The following TOLLIP variants were observed in gnomAD, a reference collection of about 807,000 sequenced individuals.
TOLLIP encodes the protein toll interacting protein.
Under a neutral mutation model 33.5 loss-of-function variants are expected in TOLLIP, and 16 were observed. The observed-to-expected ratio is 0.48, with a 90% CI of 0.32 to 0.72. TOLLIP has a LOEUF of 0.72. Ranked by LOEUF, TOLLIP falls within the 30% of genes least tolerant of loss-of-function variation. The pLI is 0.03. For synonymous variants in TOLLIP, 176 were observed against 163.7 expected (o/e 1.07, Z -0.57); for missense variants, 325 against 396.6 (o/e 0.82, Z 1.53).
At chr11:1,279,048 C>G (rs1311319311) in intron 5 of TOLLIP, among the ~76,000 whole-genome samples, 1 of 152,256 alleles carries the variant, frequency 6.6e-6, no homozygotes, top group Admixed American at 6.5e-5. Context: ...CGTGCTCCCA[C>G]TCTCTCCAGC....
chr11:1,285,538 G>A (rs985331066), intron 5 of TOLLIP, among the ~76,000 whole-genome samples: 7 of 152,198 alleles, frequency 4.6e-5, no homozygotes, highest in African/African-American at 1.2e-4. Flanking sequence ...ACGCAACAGC[G>A]CAGTAGAGAG....
intron 1 of TOLLIP, among the ~76,000 whole-genome samples, chr11:1,299,917 G>A (rs991117551): frequency 1.6e-4 from 25 of 152,338 alleles, no homozygotes; most frequent in South Asian, 4.1e-4. Flanking sequence ...ATGGAGACTC[G>A]GGGGACGGAG....
At chr11:1,286,602 T>A (rs1399320236) in intron 4 of TOLLIP, among the ~76,000 whole-genome samples, 1 of 151,976 alleles carries the variant, frequency 6.6e-6, no homozygotes, top group African/African-American at 2.4e-5. Flanking sequence ...AGTTCAAAAC[T>A]GTCCACTGCG....
intron 2 of TOLLIP, among the ~76,000 whole-genome samples, chr11:1,294,040 T>C (rs1013447028): frequency 2.6e-5 from 4 of 152,280 alleles, no homozygotes; most frequent in Non-Finnish European, 5.9e-5. Flanking sequence ...GCCTGCTGTA[T>C]TTGTGCATTT....
chr11:1,290,173 GCAGCCACGCT>G lies in TOLLIP; in HGVS notation c.366+44_366+53del. The G allele has an allele frequency of 6.4e-7, 1 of 1,572,626 alleles. No homozygotes were observed. The highest frequency in any genetic ancestry group is 8.7e-7 in the Non-Finnish European group (1 of 1,151,472). On this transcript the variant is annotated intron_variant, in intron 3 of 5. Coordinates refer to ENST00000317204, the MANE Select transcript of TOLLIP (RefSeq NM_019009.4). This position sits in a 1 kb window ranked among gnomAD's most constrained non-coding sequence, Gnocchi z 4.9. ...CTGTGTTGGCAGGTGTGTCCCCACG[GCAGCCACGCT>G]CAGCCACGTGCAGCCTCCATAATAG...
At position 1,290,347 on chromosome 11, in the gene TOLLIP, G is replaced by A; in HGVS notation, c.246C>T (p.Gly82=). ...RMDPYCRLRL[G]YAVYETPTAH... is the part of the protein sequence containing the mutation. ...CCGTGGGCGTCTCGTACACCGCGTA[G>A]CCCAGGCGCAGTCGGCAGTAGGGGT... is the stretch of plus-strand genomic sequence containing the variant. Residue 82 remains glycine (G), a synonymous_variant, in exon 3 of 6, where the codon GGC becomes GGT. Transcript: ENST00000317204. The surrounding 1 kb of genome is among the most constrained non-coding windows in gnomAD (Gnocchi z 4.9). 1.2e-6 allele frequency: 2 copies of A among 1,613,572 alleles called. No homozygotes were observed. The highest frequency in any genetic ancestry group is 1.7e-6 in the Non-Finnish European group (2 of 1,179,982).
chr11:1,298,736 C>G (rs779593872), intron 1 of TOLLIP, among the ~76,000 whole-genome samples: 22 of 152,378 alleles, frequency 1.4e-4, no homozygotes, highest in Non-Finnish European at 2.8e-4. Context: ...ATCAGCCCCA[C>G]GCAGCCCGGG....
At chr11:1,300,525 T>C (rs1019937295) in intron 1 of TOLLIP, among the ~76,000 whole-genome samples, 1 of 152,252 alleles carries the variant, frequency 6.6e-6, no homozygotes, top group African/African-American at 2.4e-5. Context: ...ATTTTTCTTT[T>C]TAAGCACACA....
At chr11:1,285,694 G>A (rs1365828191) in intron 5 of TOLLIP, among the ~76,000 whole-genome samples, 1 of 151,718 alleles carries the variant, frequency 6.6e-6, no homozygotes, top group East Asian at 1.9e-4. Context: ...CCTGCACAGA[G>A]CTGGGCACAA....
intron 2 of TOLLIP, among the ~76,000 whole-genome samples, chr11:1,292,745 C>A (rs1863989827): frequency 6.6e-6 from 1 of 152,252 alleles, no homozygotes; most frequent in South Asian, 2.1e-4. Flanking sequence ...CGTGGGGACA[C>A]ACGGGCACCG....
At chr11:1,283,162 T>C (rs1202620182) in intron 5 of TOLLIP, 1 of 201,400 alleles carries the variant, frequency 5.0e-6, no homozygotes, top group Non-Finnish European at 1.0e-5. Context: ...CTGGGTGGAA[T>C]CTGCGGTGGT....
At chr11:1,304,396 T>C (rs1348582692) in intron 1 of TOLLIP, among the ~76,000 whole-genome samples, 2 of 151,966 alleles carry the variant, frequency 1.3e-5, no homozygotes, top group Non-Finnish European at 2.9e-5. Context: ...TGACCCCAAA[T>C]GGAAGGCCCG....
At chr11:1,304,552 G>A (rs1363340976) in intron 1 of TOLLIP, among the ~76,000 whole-genome samples, 1 of 152,258 alleles carries the variant, frequency 6.6e-6, no homozygotes, top group Admixed American at 6.5e-5. Context: ...GGACGGGGCG[G>A]CCGAGGTCTC....
At chr11:1,287,001 G>A (rs962481602) in intron 4 of TOLLIP, among the ~76,000 whole-genome samples, 6 of 148,910 alleles carry the variant, frequency 4.0e-5, no homozygotes, top group African/African-American at 7.5e-5. Flanking sequence ...CTCTGAGTTC[G>A]AAACTGTCAG....
Position 1,290,555 on chromosome 11 carries a change from G to C in TOLLIP, c.184-146C>G. On this transcript the variant is annotated intron_variant, in intron 2 of 5. Transcript: ENST00000317204. This position sits in a 1 kb window ranked among gnomAD's most constrained non-coding sequence, Gnocchi z 4.9. ...CACTCAGAGTCGCCTGAACACGGCT[G>C]TGACCTGCTTCCCAGGAGGCCAGGA... 1 of 697,314 alleles carries C rather than the reference G, an allele frequency of 1.4e-6. No individual in the cohort carries two copies. The highest frequency in any genetic ancestry group is 2.4e-6 in the Non-Finnish European group (1 of 417,208). 43.2% of individuals were successfully genotyped at this position (697,314 alleles called of 1,614,324 possible).
At chr11:1,309,129 G>A (rs942772359) in intron 1 of TOLLIP, among the ~76,000 whole-genome samples, 28 of 151,642 alleles carry the variant, frequency 1.8e-4, no homozygotes, top group African/African-American at 6.3e-4. Flanking sequence ...TTGGGGAGCG[G>A]GGCCTGCCTC....
Position 1,290,345 on chromosome 11 carries a change from T to C in TOLLIP, c.248A>G (p.Tyr83Cys). The C allele has an allele frequency of 1.9e-6, 3 of 1,613,560 alleles. No homozygotes were observed. Among genetic ancestry groups the C allele is most frequent in the Non-Finnish European group, 2.5e-6 (3 of 1,179,976 alleles). The change falls in exon 3 of 6, where the codon TAC (tyrosine) becomes TGC (cysteine). Residue 83 changes from tyrosine to cysteine, a missense_variant. By Grantham distance (194) the Tyr-to-Cys change is radical. Transcript: ENST00000317204. The surrounding 1 kb of genome is among the most constrained non-coding windows in gnomAD (Gnocchi z 4.9). ...TGCCGTGGGCGTCTCGTACACCGCGTAGCCCAGGCGCAGTCGGCAGTAGGG... is the reference window on the plus strand; with the variant it reads ...TGCCGTGGGCGTCTCGTACACCGCGCAGCCCAGGCGCAGTCGGCAGTAGGG... ...MDPYCRLRLG[Y>C]AVYETPTAHN...
At chr11:1,284,618 G>A (rs935543598) in intron 5 of TOLLIP, among the ~76,000 whole-genome samples, 5 of 152,092 alleles carry the variant, frequency 3.3e-5, no homozygotes, top group African/African-American at 1.2e-4. Flanking sequence ...CAAGGTGCCG[G>A]GATTAGAGGC....
chr11:1,277,544 G>C lies in TOLLIP; in HGVS notation c.611-291C>G, dbSNP rs184460247. ...GTTTGATCTTTCAAATCTCACCCGA[G>C]TCTGTTTTATAACTAGCAGGCTGGG... On this transcript the variant is annotated intron_variant, in intron 5 of 5. Coordinates refer to ENST00000317204, the MANE Select transcript of TOLLIP (RefSeq NM_019009.4). The surrounding 1 kb of genome is among the most constrained non-coding windows in gnomAD (Gnocchi z 4.2). 2.5e-3 allele frequency among the ~76,000 whole-genome samples: 385 copies of C among 152,276 alleles called. 3 individuals carry two copies. The highest frequency in any genetic ancestry group is 4.1e-3 in the Non-Finnish European group (281 of 68,032).
Sources: allele counts gnomAD v4.1 joint callset (sites outside exome capture counted in the v4.1 genomes callset), GRCh38; gene constraint gnomAD v4.1.1; non-coding constraint Gnocchi (gnomAD v3.1); transcripts MANE v1.5; gene names NCBI Gene and HGNC (gene_info 2026-07-23, HGNC 2026-07-21).